Variants in PPP1R14C observed in about 807,000 individuals in gnomAD.
PPP1R14C encodes protein phosphatase 1 regulatory subunit 14C.
A neutral mutation model predicts 20.4 loss-of-function variants in PPP1R14C; 16 were observed. The ratio of observed to expected loss-of-function variants is 0.78; its 90% CI spans 0.53 to 1.19. PPP1R14C has a LOEUF of 1.19. PPP1R14C is among the 50% of genes most tolerant of loss of function. PPP1R14C has a pLI of 0.00. For synonymous variants in PPP1R14C, 91 were observed against 91.0 expected (o/e 1.00, Z 0.00); for missense variants, 211 against 220.1 (o/e 0.96, Z 0.26).
intron 1 of PPP1R14C, among the ~76,000 whole-genome samples, chr6:150,174,266 C>T (rs534785499): frequency 1.3e-5 from 2 of 152,172 alleles, no homozygotes; most frequent in Non-Finnish European, 2.9e-5. Context: ...GTCGCCCAGG[C>T]TGGAGTGCAG....
rs146728576 is a variant in PPP1R14C, at chr6:150,168,197, G to T, written c.306+24699G>T. ...TCTTTGAGGTTCACATATATGCAGT[G>T]AGTTGCTGGTGAAAGTTTAACAACT... On this transcript the variant is annotated intron_variant, in intron 1 of 3. Transcript: ENST00000361131. Among the ~76,000 whole-genome samples, 4 of 115,966 alleles carry T rather than the reference G, an allele frequency of 3.4e-5. No homozygotes were observed. The East Asian group carries it at 7.7e-4, about 22-fold the overall frequency. 76.1% of individuals were successfully genotyped at this position (115,966 alleles called of 152,430 possible).
intron 3 of PPP1R14C, among the ~76,000 whole-genome samples, chr6:150,234,951 G>A (rs1778340676): frequency 6.7e-6 from 1 of 150,036 alleles, no homozygotes; most frequent in Admixed American, 6.6e-5. Context: ...AAGAAGCCAA[G>A]TAAAAAAGAA....
chr6:150,237,980 C>T (rs563282163), intron 3 of PPP1R14C, among the ~76,000 whole-genome samples: 20 of 152,244 alleles, frequency 1.3e-4, no homozygotes, highest in Admixed American at 2.6e-4. Flanking sequence ...CATCATTATA[C>T]GATCCATAGT....
At chr6:150,248,628 A>G (rs942450380) in intron 3 of PPP1R14C, 118 bp from the exon 4 acceptor site, 2 of 655,288 alleles carry the variant, frequency 3.1e-6, no homozygotes, top group African/African-American at 1.8e-5. Flanking sequence ...GGGTTAACAC[A>G]TTCAACCAAA....
chr6:150,208,072 A>G (rs1190432918), intron 1 of PPP1R14C, among the ~76,000 whole-genome samples: 1 of 152,214 alleles, frequency 6.6e-6, no homozygotes, highest in Non-Finnish European at 1.5e-5. Context: ...TCTCTAGAGA[A>G]CAGTGTTAAT....
chr6:150,239,375 T>A (rs896166366), intron 3 of PPP1R14C, among the ~76,000 whole-genome samples: 6 of 152,196 alleles, frequency 3.9e-5, no homozygotes, highest in Non-Finnish European at 4.4e-5. Flanking sequence ...CCATACAAAG[T>A]GTGTTCTTTG....
At chr6:150,230,675 C>G (rs1778283916) in intron 3 of PPP1R14C, among the ~76,000 whole-genome samples, 1 of 152,190 alleles carries the variant, frequency 6.6e-6, no homozygotes, top group African/African-American at 2.4e-5. Context: ...GAGACTGTTT[C>G]CTGAGCAGGG....
chr6:150,227,911 G>A (rs1035720908), intron 3 of PPP1R14C, among the ~76,000 whole-genome samples: 1 of 152,162 alleles, frequency 6.6e-6, no homozygotes, highest in Non-Finnish European at 1.5e-5. Context: ...AAAGGATTTT[G>A]GTCCCATTAT....
intron 3 of PPP1R14C, among the ~76,000 whole-genome samples, chr6:150,241,720 C>G (rs1778433052): frequency 6.6e-6 from 1 of 152,128 alleles, no homozygotes; most frequent in Non-Finnish European, 1.5e-5. Context: ...AACCCCATCT[C>G]TACTAAAAAT....
chr6:150,145,237 A>G (rs76498200), intron 1 of PPP1R14C, among the ~76,000 whole-genome samples: 11,900 of 152,240 alleles, frequency 0.078, 548 homozygotes, highest in African/African-American at 0.1. Flanking sequence ...TAGGTTAGGT[A>G]TATATTTTAA....
chr6:150,193,060 T>C (rs1777764955), intron 1 of PPP1R14C, among the ~76,000 whole-genome samples: 1 of 152,214 alleles, frequency 6.6e-6, no homozygotes, highest in African/African-American at 2.4e-5. Flanking sequence ...GTTGTTTAAG[T>C]ACAGAGTATA....
intron 1 of PPP1R14C, among the ~76,000 whole-genome samples, chr6:150,173,692 A>G (rs76215124): frequency 6.6e-6 from 1 of 152,040 alleles, no homozygotes; most frequent in Non-Finnish European, 1.5e-5. Flanking sequence ...AACGTGCTTT[A>G]TCTTGTTCAG....
intron 1 of PPP1R14C, among the ~76,000 whole-genome samples, chr6:150,209,185 T>C (rs2114905188): frequency 1.3e-5 from 2 of 152,278 alleles, no homozygotes; most frequent in Non-Finnish European, 2.9e-5. Context: ...TATTTTGAAA[T>C]GGAGACGGAT....
chr6:150,224,687 C>A (rs1164700886), intron 3 of PPP1R14C, among the ~76,000 whole-genome samples: 1 of 152,194 alleles, frequency 6.6e-6, no homozygotes, highest in Admixed American at 6.5e-5. Context: ...CTATCGGAGC[C>A]CTTAGCGTAT....
At chr6:150,238,794 C>T (rs1241850464) in intron 3 of PPP1R14C, among the ~76,000 whole-genome samples, 2 of 152,220 alleles carry the variant, frequency 1.3e-5, no homozygotes, top group Admixed American at 6.5e-5. Context: ...ATCAAGAAGC[C>T]TGGATTCAAA....
At chr6:150,150,359 C>T (rs1413536651) in intron 1 of PPP1R14C, among the ~76,000 whole-genome samples, 1 of 152,126 alleles carries the variant, frequency 6.6e-6, no homozygotes, top group Non-Finnish European at 1.5e-5. Context: ...ATGTGATCTT[C>T]CCTGAGTCCC....
intron 1 of PPP1R14C, among the ~76,000 whole-genome samples, chr6:150,153,843 A>T (rs1217051300): frequency 6.6e-6 from 1 of 152,196 alleles, no homozygotes; most frequent in Non-Finnish European, 1.5e-5. Flanking sequence ...CTGTGGAAGG[A>T]GCTGTGGAGG....
At chr6:150,237,560 G>C (rs1399319479) in intron 3 of PPP1R14C, among the ~76,000 whole-genome samples, 1 of 152,182 alleles carries the variant, frequency 6.6e-6, no homozygotes, top group Non-Finnish European at 1.5e-5. Context: ...GTAGTCTGAT[G>C]ATGATGATGA....
chr6:150,209,815 A>G (rs1471695371), intron 1 of PPP1R14C, among the ~76,000 whole-genome samples: 1 of 139,496 alleles, frequency 7.2e-6, no homozygotes, highest in Non-Finnish European at 1.5e-5. Flanking sequence ...GTTTATATTC[A>G]TGTGTGTGTA....
Sources: allele counts gnomAD v4.1 joint callset (sites outside exome capture counted in the v4.1 genomes callset), GRCh38; gene constraint gnomAD v4.1.1; transcripts MANE v1.5; gene names NCBI Gene and HGNC (gene_info 2026-07-23, HGNC 2026-07-21).